Variants in ZMIZ1 observed in about 807,000 individuals in gnomAD.
The protein encoded by ZMIZ1 is zinc finger MIZ domain-containing protein 1.
Under a neutral mutation model 113.9 loss-of-function variants are expected in ZMIZ1, and 17 were observed. The ratio of observed to expected loss-of-function variants is 0.15; its 90% CI spans 0.10 to 0.22. ZMIZ1 has a LOEUF of 0.22. Among genes scored for constraint, ZMIZ1 ranks in the 10% least tolerant of loss-of-function variants. The pLI is 1.00. For synonymous variants in ZMIZ1, 607 were observed against 603.1 expected (o/e 1.01, Z -0.09); for missense variants, 1,059 against 1,477.8 (o/e 0.72, Z 4.65).
rs763886745 is a variant in ZMIZ1, at chr10:79,292,367, C to T, written c.957+11C>T. On this transcript the variant is annotated intron_variant, in intron 11 of 24. Coordinates refer to ENST00000334512, the MANE Select transcript of ZMIZ1 (RefSeq NM_020338.4). ...AACCAGTATGGACCGGTAAGGGTTC[C>T]CACTAATCCTGGTCCAGCCTTGCCC... 58 of 1,596,654 alleles carry T rather than the reference C, an allele frequency of 3.6e-5. No homozygotes were observed. The East Asian group carries it at 1.2e-3, about 33-fold the overall frequency.
rs534699656 is a variant in ZMIZ1, at chr10:79,176,943, C to T, written c.-50+14810C>T. On this transcript the variant is annotated intron_variant, in intron 4 of 24. Coordinates refer to ENST00000334512, the MANE Select transcript of ZMIZ1 (RefSeq NM_020338.4). ...AGTTTGTGGCAATGTGTCTCCAGTG[C>T]ATCTGCTGCTGACAAAACCGTGTAA... Among the ~76,000 whole-genome samples the T allele has an allele frequency of 5.8e-4, 88 of 152,324 alleles. No individual in the cohort carries two copies. In the South Asian group the frequency reaches 0.017, roughly 30 times the overall value.
intron 7 of ZMIZ1, among the ~76,000 whole-genome samples, chr10:79,253,468 C>T (rs1176193064): frequency 2.0e-5 from 3 of 152,108 alleles, no homozygotes; most frequent in South Asian, 2.1e-4. Flanking sequence ...CCCTCCCTGC[C>T]GTGCCGTCTT....
chr10:79,239,616 T>C (rs929829202), intron 7 of ZMIZ1, among the ~76,000 whole-genome samples: 10 of 152,166 alleles, frequency 6.6e-5, no homozygotes, highest in Admixed American at 5.9e-4. Context: ...GTTCTCCCTC[T>C]AAGCGGTCAG....
intron 21 of ZMIZ1, 21 bp from the exon 22 acceptor site, chr10:79,306,079 C>T: frequency 6.2e-7 from 1 of 1,606,032 alleles, no homozygotes; most frequent in South Asian, 1.1e-5. Flanking sequence ...AGCCTCAGCT[C>T]TGCCACCCTT....
chr10:79,291,231 C>T, intron 10 of ZMIZ1, 55 bp downstream of exon 10: 1 of 1,512,070 alleles, frequency 6.6e-7, no homozygotes, highest in Non-Finnish European at 8.9e-7. Flanking sequence ...CTTCCTCCTT[C>T]CAGTGGGGAG....
intron 13 of ZMIZ1, 86 bp from the exon 14 acceptor site, chr10:79,297,527 C>T: frequency 8.5e-7 from 1 of 1,176,478 alleles, no homozygotes; most frequent in East Asian, 2.4e-5. Flanking sequence ...CCCCGTGCTC[C>T]TGGTAGATTT....
At chr10:79,100,393 C>G (rs946252091) in intron 1 of ZMIZ1, among the ~76,000 whole-genome samples, 28 of 150,600 alleles carry the variant, frequency 1.9e-4, no homozygotes, top group African/African-American at 6.9e-4. Context: ...ATTGCTAGAG[C>G]CCAGGAATTC....
chr10:79,124,163 C>T (rs1844417647), intron 2 of ZMIZ1, among the ~76,000 whole-genome samples: 1 of 152,208 alleles, frequency 6.6e-6, no homozygotes, highest in Non-Finnish European at 1.5e-5. Flanking sequence ...TGTGTTCAAG[C>T]CTCAGTCCCA....
intron 2 of ZMIZ1, among the ~76,000 whole-genome samples, chr10:79,132,310 A>G (rs1199372973): frequency 1.3e-5 from 2 of 152,120 alleles, no homozygotes; most frequent in South Asian, 2.1e-4. Flanking sequence ...CTCCTCCTAC[A>G]AGGGTAATAC....
chr10:79,305,466 G>T, intron 20 of ZMIZ1, 67 bp from the exon 21 acceptor site: 1 of 1,554,978 alleles, frequency 6.4e-7, no homozygotes, highest in Non-Finnish European at 8.9e-7. Flanking sequence ...ACACTGAGGT[G>T]GATGGGCTTT....
intron 23 of ZMIZ1, among the ~76,000 whole-genome samples, chr10:79,308,114 A>G (rs749383690): frequency 5.3e-5 from 8 of 152,184 alleles, no homozygotes. Flanking sequence ...TGGTGGGGTA[A>G]GGTGTCCTGT....
Position 79,291,141 on chromosome 10 carries a change from G to T in ZMIZ1, c.723G>T (p.Arg241=). ...ACATCCAGCAGAGCATGTATGGCCG[G>T]CCCAACTACCCCGGCAGCGGGGGCT... The part of the protein sequence containing the change: ...QPYIQQSMYG[R]PNYPGSGGFG... The change falls in exon 10 of 25, where the codon CGG becomes CGT. Residue 241 remains arginine (R), a synonymous_variant. Transcript: ENST00000334512. 1 of 1,612,794 alleles carries T rather than the reference G, an allele frequency of 6.2e-7. No homozygotes were observed. Among genetic ancestry groups the T allele is most frequent in the Non-Finnish European group, 8.5e-7 (1 of 1,179,034 alleles).
chr10:79,260,716 A>T (rs1017398970), intron 7 of ZMIZ1, among the ~76,000 whole-genome samples: 1 of 152,224 alleles, frequency 6.6e-6, no homozygotes, highest in Non-Finnish European at 1.5e-5. Context: ...ATCGGATGTG[A>T]TGGGGAAACT....
intron 6 of ZMIZ1, among the ~76,000 whole-genome samples, chr10:79,209,808 C>T (rs962016252): frequency 6.6e-6 from 1 of 152,242 alleles, no homozygotes; most frequent in Non-Finnish European, 1.5e-5. Context: ...TTTTAACTGA[C>T]TTCCCAAGGG....
At chr10:79,260,538 A>G (rs1427306789) in intron 7 of ZMIZ1, among the ~76,000 whole-genome samples, 1 of 152,246 alleles carries the variant, frequency 6.6e-6, no homozygotes, top group African/African-American at 2.4e-5. Flanking sequence ...CCCTGGAAGG[A>G]AAAACCCAAA....
At chr10:79,261,990 A>G (rs897157251) in intron 7 of ZMIZ1, among the ~76,000 whole-genome samples, 1 of 152,324 alleles carries the variant, frequency 6.6e-6, no homozygotes, top group East Asian at 1.9e-4. Context: ...CTCAGGGTCA[A>G]ATCTCCAGAG....
chr10:79,307,081 AT>A (rs1280785050), intron 22 of ZMIZ1, among the ~76,000 whole-genome samples: 1 of 152,134 alleles, frequency 6.6e-6, no homozygotes, highest in Admixed American at 6.5e-5. Flanking sequence ...AAGTGCCCAC[AT>A]TGGGGAGTAG....
chr10:79,210,227 C>T (rs1848479331), intron 6 of ZMIZ1, among the ~76,000 whole-genome samples: 1 of 152,138 alleles, frequency 6.6e-6, no homozygotes, highest in African/African-American at 2.4e-5. Context: ...CAGCACATTG[C>T]CCCGAGCCTG....
intron 7 of ZMIZ1, among the ~76,000 whole-genome samples, chr10:79,271,153 A>G (rs567386933): frequency 1.3e-5 from 2 of 152,242 alleles, no homozygotes; most frequent in South Asian, 2.1e-4. Context: ...CTGCTCATCT[A>G]CTCAGGGCCC....
Sources: gnomAD v4.1 joint callset for allele counts (sites outside exome capture counted in the v4.1 genomes callset) on GRCh38, gnomAD v4.1.1 for gene constraint, MANE v1.5 for transcripts, NCBI Gene and HGNC (gene_info 2026-07-23, HGNC 2026-07-21) for gene names.